PSG1: variants seen among roughly 807,000 people sequenced by gnomAD.
PSG1 encodes the protein pregnancy-specific beta-1-glycoprotein 1.
Under a neutral mutation model 41.4 loss-of-function variants are expected in PSG1, and 60 were observed. That is an observed-to-expected ratio of 1.45 (90% confidence interval 1.18 to 1.80). The LOEUF is 1.80. Ranked by LOEUF, PSG1 falls within the 40% of genes most tolerant of loss-of-function variation. The pLI, the probability that PSG1 is intolerant of heterozygous loss-of-function variation, is 0.00. For missense variants in PSG1, 806 were observed against 516.9 expected (o/e 1.56, Z -5.42); for synonymous variants, 256 against 192.9 (o/e 1.33, Z -2.71).
chr19:42,868,167 C>T lies in PSG1; in HGVS notation c.1177G>A (p.Val393Ile), dbSNP rs1971214665. ...HITTKHSGLY[V>I]CSVRNSATGK... ...GTGGCTGAGTTACGAACAGAGCAAA[C>T]ATAGAGCCCGCTATGCTTTGTAGTA... The change falls in exon 5 of 6, where the codon GTT (valine) becomes ATT (isoleucine). Residue 393 changes from valine (V) to isoleucine (I), a missense_variant. Transcript: ENST00000436291. The T allele has an allele frequency of 2.5e-6, 4 of 1,612,358 alleles. No individual in the cohort carries two copies. The highest frequency in any genetic ancestry group is 3.4e-6 in the Non-Finnish European group (4 of 1,179,096).
At chr19:42,877,446 C>T (rs1971656020) in intron 2 of PSG1, among the ~76,000 whole-genome samples, 1 of 151,606 alleles carries the variant, frequency 6.6e-6, no homozygotes, top group Admixed American at 6.6e-5. Flanking sequence ...GTAAGCCCTG[C>T]CCAAGAAGCC....
chr19:42,879,082 T>G (rs1213645138), intron 1 of PSG1, among the ~76,000 whole-genome samples: 2 of 151,632 alleles, frequency 1.3e-5, no homozygotes, highest in Non-Finnish European at 2.9e-5. Context: ...TTTCCTGTTT[T>G]GACCCCTGTC....
At chr19:42,873,106 T>C (rs1291872621) in intron 2 of PSG1, among the ~76,000 whole-genome samples, 1 of 151,570 alleles carries the variant, frequency 6.6e-6, no homozygotes, top group East Asian at 1.9e-4. Flanking sequence ...AGGGTGTTGT[T>C]CCGTGGGTGT....
rs376750776 is a variant in PSG1 at position 42,879,568 on chromosome 19, G to T, written c.14C>A (p.Ser5Ter). 8.3e-5 allele frequency: 133 copies of T among 1,610,664 alleles called. 4 individuals are homozygous for T. The highest frequency in any genetic ancestry group is 1.1e-4 in the Non-Finnish European group (126 of 1,178,342). Residue 5 changes from serine (S) to a stop codon, truncating the protein, a stop_gained, in exon 1 of 6, where the codon TCA becomes TAA. Coordinates refer to ENST00000436291, the MANE Select transcript of PSG1 (RefSeq NM_001184825.2). LOFTEE classifies it high-confidence loss of function. ...GATGCGCTGTGTGCAGGGAGGGGCT[G>T]AGAGGGTTCCCATGGTCTCTGCTGC... The part of the protein sequence containing the change: MGTL[S>*]APPCTQRIKW...
At chr19:42,876,028 C>T (rs1346230483) in intron 2 of PSG1, among the ~76,000 whole-genome samples, 2 of 151,216 alleles carry the variant, frequency 1.3e-5, no homozygotes, top group African/African-American at 4.9e-5. Context: ...GCAGGAGTGG[C>T]AACTCCAGAT....
At chr19:42,874,943 G>C (rs1971543399) in intron 2 of PSG1, among the ~76,000 whole-genome samples, 1 of 151,850 alleles carries the variant, frequency 6.6e-6, no homozygotes, top group Admixed American at 6.6e-5. Context: ...CAAATTTCAA[G>C]CTTGTTATAT....
chr19:42,874,429 C>T (rs762489755), intron 2 of PSG1, among the ~76,000 whole-genome samples: 5 of 151,590 alleles, frequency 3.3e-5, no homozygotes, highest in Non-Finnish European at 7.4e-5. Context: ...TCACTGCAAG[C>T]TCTGCCTCCT....
chr19:42,868,705 G>A lies in PSG1; in HGVS notation c.988+51C>T, dbSNP rs10413496. On this transcript the variant is annotated intron_variant, in intron 4 of 5. Transcript: ENST00000436291. ...AGACTGAGAGGCCTGGCATCTGGTG[G>A]TTTGGATTTAAGCTGGTGTCCTGGC... 7,069 of 1,603,214 alleles carry A rather than the reference G, an allele frequency of 4.4e-3. 407 individuals carry two copies. The African/African-American group carries it at 0.082, about 19-fold the overall frequency.
chr19:42,879,673 C>T lies in PSG1; in HGVS notation c.-92G>A. ...GGCTGTCAGCTGTGCTGTCCTTCCT[C>T]TTTCTGTGCTGAGCCTCTTCCCAGG... On this transcript the variant is annotated 5_prime_UTR_variant, in exon 1 of 6. Transcript: ENST00000436291. 7 of 1,547,722 alleles carry T rather than the reference C, an allele frequency of 4.5e-6. No individual in the cohort carries two copies. Among genetic ancestry groups the T allele is most frequent in the South Asian group, 1.2e-5 (1 of 86,424 alleles).
At chr19:42,879,068 C>T (rs62113016) in intron 1 of PSG1, among the ~76,000 whole-genome samples, 1,525 of 137,722 alleles carry the variant, frequency 0.011, 36 homozygotes, top group African/African-American at 0.036. Flanking sequence ...CGGTCCAATA[C>T]GACTTTCCTG....
rs1971679329 is a variant in PSG1 at position 42,877,921 on chromosome 19, G to A, written c.422C>T (p.Thr141Ile). ...CATGTGGAATCACTTACGGTGTAAG[G>A]TGAAGGTGAAACGTCCAGTTACTCC... ...TRGVTGRFTF[T>I]LHLETPKPSI... The change falls in exon 2 of 6, where the codon ACC (threonine) becomes ATC (isoleucine). Residue 141 changes from threonine to isoleucine, a missense_variant. Thr to Ile is a moderately conservative substitution (Grantham distance 89). Coordinates refer to ENST00000436291, the MANE Select transcript of PSG1 (RefSeq NM_001184825.2). 7 of 1,612,118 alleles carry A rather than the reference G, an allele frequency of 4.3e-6. 1 individual carries two copies. Among genetic ancestry groups the A allele is most frequent in the Non-Finnish European group, 5.9e-6 (7 of 1,178,988 alleles).
intron 3 of PSG1, 102 bp from the exon 4 acceptor site, chr19:42,869,136 G>T (rs545183493): frequency 7.1e-6 from 11 of 1,555,254 alleles, no homozygotes; most frequent in Non-Finnish European, 8.7e-6. Context: ...CATTCCACCC[G>T]AGTCCTTGAA....
chr19:42,877,555 A>G (rs1469255302), intron 2 of PSG1, among the ~76,000 whole-genome samples: 1 of 151,612 alleles, frequency 6.6e-6, no homozygotes, highest in East Asian at 1.9e-4. Context: ...CTTCTCTGAG[A>G]GTATCTCAGG....
At chr19:42,878,757 C>A (rs1021132318) in intron 1 of PSG1, among the ~76,000 whole-genome samples, 3 of 150,172 alleles carry the variant, frequency 2.0e-5, no homozygotes, top group Non-Finnish European at 3.0e-5. Flanking sequence ...GTCTTCCCCC[C>A]CATGACAGCG....
intron 3 of PSG1, chr19:42,869,313 G>A (rs1218265130): frequency 1.5e-6 from 1 of 674,162 alleles, no homozygotes; most frequent in Admixed American, 3.3e-5. Flanking sequence ...CACAGCCCCT[G>A]GTACCCTTCC....
At chr19:42,878,835 C>G (rs2122569402) in intron 1 of PSG1, among the ~76,000 whole-genome samples, 1 of 151,538 alleles carries the variant, frequency 6.6e-6, no homozygotes, top group Admixed American at 6.6e-5. Flanking sequence ...AGGCTGCAGA[C>G]TCCTGTAGAT....
chr19:42,876,479 C>T (rs1469207280), intron 2 of PSG1, among the ~76,000 whole-genome samples: 1 of 151,430 alleles, frequency 6.6e-6, no homozygotes, highest in East Asian at 1.9e-4. Context: ...ATTCTGCATC[C>T]AAGATCCAAT....
intron 2 of PSG1, among the ~76,000 whole-genome samples, chr19:42,876,576 G>A (rs990217357): frequency 1.3e-4 from 20 of 151,428 alleles, no homozygotes; most frequent in African/African-American, 4.6e-4. Flanking sequence ...CTCTCTCGCT[G>A]GGCCTGTGGT....
intron 2 of PSG1, among the ~76,000 whole-genome samples, chr19:42,876,166 G>A (rs1212665271): frequency 6.6e-6 from 1 of 151,466 alleles, no homozygotes; most frequent in Non-Finnish European, 1.5e-5. Context: ...AAGAAGCTGT[G>A]CAGGACAGGG....
Sources: gnomAD v4.1 joint callset for allele counts (sites outside exome capture counted in the v4.1 genomes callset) on GRCh38, gnomAD v4.1.1 for gene constraint, MANE v1.5 for transcripts, NCBI Gene and HGNC (gene_info 2026-07-23, HGNC 2026-07-21) for gene names.